Variants in RAB17 observed in about 807,000 individuals in gnomAD.
The protein encoded by RAB17 is RAB17, member RAS oncogene family.
Under a neutral mutation model 19.3 loss-of-function variants are expected in RAB17, and 15 were observed. The observed-to-expected ratio is 0.78, with a 90% CI of 0.52 to 1.20. The LOEUF (loss-of-function observed/expected upper bound fraction) is 1.20, where lower values mean the gene tolerates loss of function less well. Ranked by LOEUF, RAB17 falls within the 50% of genes most tolerant of loss-of-function variation. The pLI is 0.00. For missense variants in RAB17, 262 were observed against 269.3 expected (o/e 0.97, Z 0.19); for synonymous variants, 110 against 112.8 (o/e 0.97, Z 0.16).
intron 2 of RAB17, among the ~76,000 whole-genome samples, chr2:237,581,233 G>A (rs560441717): frequency 6.6e-6 from 1 of 151,692 alleles, no homozygotes; most frequent in Non-Finnish European, 1.5e-5. Flanking sequence ...AAATTAGCTG[G>A]GTGTGGTGGC....
intron 2 of RAB17, 141 bp downstream of exon 2, chr2:237,585,857 C>G: frequency 1.2e-6 from 1 of 826,238 alleles, no homozygotes; most frequent in Non-Finnish European, 1.8e-6. Flanking sequence ...ACCCCCTCCC[C>G]TCACGCACTG....
intron 3 of RAB17, 48 bp from the exon 4 acceptor site, chr2:237,577,430 CA>C (rs1329017853): frequency 9.6e-6 from 15 of 1,556,256 alleles, no homozygotes; most frequent in African/African-American, 1.4e-5. Flanking sequence ...TATAGGTGGT[CA>C]TTAGCTATTC....
chr2:237,575,174 C>T, intron 5 of RAB17, 46 bp from the exon 6 acceptor site: 1 of 1,485,012 alleles, frequency 6.7e-7, no homozygotes, highest in East Asian at 2.3e-5. Flanking sequence ...GGAAGTCGCC[C>T]AGCCCAGCAC....
intron 2 of RAB17, 49 bp downstream of exon 2, chr2:237,585,949 C>T: frequency 1.3e-6 from 2 of 1,522,754 alleles, no homozygotes; most frequent in Non-Finnish European, 1.8e-6. Context: ...GTCAGCAGCC[C>T]AGACTTCTGC....
chr2:237,576,697 G>A (rs756555635), intron 4 of RAB17: 35 of 471,144 alleles, frequency 7.4e-5, no homozygotes, highest in Admixed American at 3.8e-4. Flanking sequence ...CGTCCTAAAT[G>A]TGGTGGGGGA....
intron 2 of RAB17, among the ~76,000 whole-genome samples, chr2:237,583,575 G>A (rs1292729965): frequency 6.6e-6 from 1 of 152,122 alleles, no homozygotes; most frequent in Non-Finnish European, 1.5e-5. Flanking sequence ...CGGACCCCAG[G>A]GTTGGAGGCT....
chr2:237,575,073 T>C lies in RAB17; in HGVS notation c.585A>G (p.Ala195=), dbSNP rs780701778. ...CGGGCCCCTTGTTCAGAGCCACAGC[T>C]GCATCCCCCCGTAGAGCCTGGCCCT... ...DEEGQALRGD[A]AVALNKGPAR... is the part of the protein sequence containing the mutation. The change falls in exon 6 of 6, where the codon GCA becomes GCG. Residue 195 remains alanine, a synonymous_variant. Coordinates refer to ENST00000264601, the MANE Select transcript of RAB17 (RefSeq NM_022449.4). 6.2e-7 allele frequency: 1 copy of C among 1,613,784 alleles called. No homozygotes were observed. The highest frequency in any genetic ancestry group is 8.5e-7 in the Non-Finnish European group (1 of 1,179,890).
At position 237,574,750 on chromosome 2, in the gene RAB17, C is replaced by T. The variant is rs1331091552; in HGVS notation, c.*269G>A. On this transcript the variant is annotated 3_prime_UTR_variant, in exon 6 of 6. Coordinates refer to ENST00000264601, the MANE Select transcript of RAB17 (RefSeq NM_022449.4). ...GAGGCTGCCAGGCTGAGGGGGCCAC[C>T]GTCCAGGTGGAACAGGCACAGGCAT... 6.2e-6 allele frequency: 8 copies of T among 1,300,236 alleles called. No individual in the cohort carries two copies. In the East Asian group the frequency reaches 1.3e-4, roughly 22 times the overall value. The allele number at this position is 1,300,236 out of a possible 1,614,324, so 80.5% of individuals were successfully genotyped here.
chr2:237,586,404 C>T (rs886107427), intron 1 of RAB17, among the ~76,000 whole-genome samples: 9 of 152,204 alleles, frequency 5.9e-5, no homozygotes, highest in Non-Finnish European at 8.8e-5. Context: ...TGGAAAGCTC[C>T]GGGCACGGGT....
intron 1 of RAB17, among the ~76,000 whole-genome samples, chr2:237,587,443 A>G (rs947450993): frequency 2.6e-5 from 4 of 152,200 alleles, no homozygotes; most frequent in African/African-American, 9.7e-5. Context: ...AGGAAAGAAG[A>G]AAAGCAGGAG....
chr2:237,584,983 C>T (rs1393646221), intron 2 of RAB17, among the ~76,000 whole-genome samples: 7 of 152,200 alleles, frequency 4.6e-5, no homozygotes, highest in African/African-American at 1.7e-4. Context: ...CTCTGGGAGT[C>T]GGGCCAGGCA....
intron 4 of RAB17, chr2:237,576,662 T>C: frequency 2.1e-6 from 1 of 471,258 alleles, no homozygotes; most frequent in South Asian, 1.5e-5. Context: ...ATCAGCCACT[T>C]GTCTGCAGCT....
intron 2 of RAB17, chr2:237,579,342 T>C (rs1350369299): frequency 6.6e-6 from 1 of 152,278 alleles, no homozygotes; most frequent in Non-Finnish European, 1.5e-5. Flanking sequence ...TGGCTCAAAT[T>C]AGCAAATTTC....
intron 1 of RAB17, among the ~76,000 whole-genome samples, chr2:237,586,750 T>C (rs1373587148): frequency 6.6e-6 from 1 of 152,152 alleles, no homozygotes; most frequent in East Asian, 1.9e-4. Flanking sequence ...CTGCGTATTT[T>C]TCATCATAGA....
intron 2 of RAB17, among the ~76,000 whole-genome samples, chr2:237,583,417 A>C (rs945288098): frequency 6.6e-6 from 1 of 152,244 alleles, no homozygotes; most frequent in Non-Finnish European, 1.5e-5. Flanking sequence ...ATATTATCCC[A>C]AGGTGTGACG....
intron 2 of RAB17, among the ~76,000 whole-genome samples, chr2:237,580,568 G>A (rs147910221): frequency 1.3e-4 from 20 of 152,220 alleles, no homozygotes; most frequent in African/African-American, 4.1e-4. Flanking sequence ...GTGAAACCCT[G>A]TTTCTACTAA....
chr2:237,585,420 T>C lies in RAB17; in HGVS notation c.157+578A>G, dbSNP rs57064302. The C allele has an allele frequency of 4.9e-3, 830 of 169,376 alleles. 10 individuals are homozygous for C. Among genetic ancestry groups the C allele is most frequent in the African/African-American group, 0.017 (719 of 41,632 alleles). The allele number at this position is 169,376 out of a possible 1,614,324, so 10.5% of individuals were successfully genotyped here. Reference sequence around the variant, plus strand: ...AGGCCAGCAGCCTGCAGATGCCCCATACAGTTACTCCTGAGCTTCATGACA... The same window carrying C: ...AGGCCAGCAGCCTGCAGATGCCCCACACAGTTACTCCTGAGCTTCATGACA... On this transcript the variant is annotated intron_variant, in intron 2 of 5. Coordinates refer to ENST00000264601, the MANE Select transcript of RAB17 (RefSeq NM_022449.4).
At position 237,574,841 on chromosome 2, in the gene RAB17, A is replaced by T; in HGVS notation, c.*178T>A. The T allele has an allele frequency of 1.2e-6, 1 of 817,348 alleles. No individual in the cohort carries two copies. The highest frequency in any genetic ancestry group is 3.2e-5 in the Admixed American group (1 of 31,032). The allele number at this position is 817,348 out of a possible 1,614,324, so 50.6% of individuals were successfully genotyped here. ...TTTCCTGGGAGCCATGTGACGCCAG[A>T]TCTTCCTCTGGCAGTTCCCACTGGC... is the stretch of plus-strand genomic sequence containing the variant. On this transcript the variant is annotated 3_prime_UTR_variant, in exon 6 of 6. Coordinates refer to ENST00000264601, the MANE Select transcript of RAB17 (RefSeq NM_022449.4).
At chr2:237,577,507 G>A (rs2081275041) in intron 3 of RAB17, 125 bp from the exon 4 acceptor site, 5 of 1,141,446 alleles carry the variant, frequency 4.4e-6, no homozygotes, top group Non-Finnish European at 6.1e-6. Flanking sequence ...ACTGGCCATG[G>A]GCGCACCTGC....
Sources: gnomAD v4.1 joint callset for allele counts (sites outside exome capture counted in the v4.1 genomes callset) on GRCh38, gnomAD v4.1.1 for gene constraint, MANE v1.5 for transcripts, NCBI Gene and HGNC (gene_info 2026-07-23, HGNC 2026-07-21) for gene names.